IMMP2L: variants seen among roughly 807,000 people sequenced by gnomAD.
The protein encoded by IMMP2L is inner mitochondrial membrane peptidase subunit 2, also known as mitochondrial inner membrane protease subunit 2.
A neutral mutation model predicts 19.3 loss-of-function variants in IMMP2L; 18 were observed. The observed-to-expected ratio is 0.93, with a 90% CI of 0.64 to 1.38. IMMP2L has a LOEUF of 1.38. IMMP2L is among the 40% of genes most tolerant of loss of function. IMMP2L has a pLI of 0.00. For synonymous variants in IMMP2L, 76 were observed against 73.0 expected, an observed-to-expected ratio of 1.04 and a Z score of -0.21; for missense variants, 233 against 218.2, an observed-to-expected ratio of 1.07 and a Z score of -0.43.
intron 3 of IMMP2L, chr7:111,099,925 C>T (rs977515279): frequency 6.6e-6 from 1 of 151,458 alleles, no homozygotes; most frequent in African/African-American, 2.4e-5. Flanking sequence ...AGATGTTGGG[C>T]AACATTTATT....
Position 110,844,218 on chromosome 7 carries a change from A to G in IMMP2L, c.408+42375T>C, listed in dbSNP as rs1805407770. On this transcript the variant is annotated intron_variant, in intron 5 of 5. Transcript: ENST00000405709. ...CACTGAGGAGAAGAGAAATGCAAAG[A>G]TCAATAAGCTCAGAGTTTTCTTTCA... Among the ~76,000 whole-genome samples, 3 of 152,332 alleles carry G rather than the reference A, an allele frequency of 2.0e-5. No homozygotes were observed. The South Asian group carries it at 6.2e-4, about 32-fold the overall frequency.
At chr7:111,373,758 A>C (rs1167050342) in intron 3 of IMMP2L, among the ~76,000 whole-genome samples, 1 of 151,904 alleles carries the variant, frequency 6.6e-6, no homozygotes, top group African/African-American at 2.4e-5. Context: ...TACCAAATTT[A>C]TTTCTCCTGT....
chr7:111,039,983 C>G (rs747741011), intron 3 of IMMP2L, among the ~76,000 whole-genome samples: 1 of 152,094 alleles, frequency 6.6e-6, no homozygotes, highest in South Asian at 2.1e-4. Flanking sequence ...CTGGCCAACA[C>G]AGTGAAACCC....
chr7:111,545,302 T>C (rs1167074414), intron 1 of IMMP2L, among the ~76,000 whole-genome samples: 1 of 152,194 alleles, frequency 6.6e-6, no homozygotes, highest in Admixed American at 6.5e-5. Context: ...CATCTTTTCA[T>C]GCCCTTATTG....
chr7:111,149,366 A>G (rs939797907), intron 3 of IMMP2L, among the ~76,000 whole-genome samples: 1 of 152,162 alleles, frequency 6.6e-6, no homozygotes, highest in South Asian at 2.1e-4. Flanking sequence ...AGAAAAAAGT[A>G]ATATGGTTGG....
At chr7:111,004,384 GA>G (rs1468587167) in intron 3 of IMMP2L, among the ~76,000 whole-genome samples, 6 of 151,990 alleles carry the variant, frequency 3.9e-5, no homozygotes, top group African/African-American at 1.5e-4. Flanking sequence ...AGGCTGGTCT[GA>G]AACTCCTGGA....
At chr7:110,755,407 T>A (rs1797980151) in intron 5 of IMMP2L, among the ~76,000 whole-genome samples, 1 of 152,152 alleles carries the variant, frequency 6.6e-6, no homozygotes, top group African/African-American at 2.4e-5. Flanking sequence ...TAAAATACTT[T>A]TTAAAACTTA....
At chr7:111,305,397 C>G (rs1485283640) in intron 3 of IMMP2L, among the ~76,000 whole-genome samples, 2 of 152,138 alleles carry the variant, frequency 1.3e-5, no homozygotes, top group Non-Finnish European at 2.9e-5. Flanking sequence ...GGCGCGATCT[C>G]AGCTCACTGC....
intron 3 of IMMP2L, among the ~76,000 whole-genome samples, chr7:111,012,889 T>C (rs1825115614): frequency 6.6e-6 from 1 of 152,214 alleles, no homozygotes; most frequent in Non-Finnish European, 1.5e-5. Context: ...ACATCCTAAA[T>C]TATTGTAAGA....
intron 4 of IMMP2L, among the ~76,000 whole-genome samples, chr7:110,940,375 C>T (rs1360049123): frequency 6.7e-6 from 1 of 149,996 alleles, no homozygotes; most frequent in Non-Finnish European, 1.5e-5. Flanking sequence ...CAAATAAAAA[C>T]AATTCCAAAT....
chr7:110,790,249 G>A (rs148706986), intron 5 of IMMP2L, among the ~76,000 whole-genome samples: 2 of 151,666 alleles, frequency 1.3e-5, no homozygotes, highest in African/African-American at 2.4e-5. Context: ...GAATGAAAAT[G>A]GGGGAGAGTG....
rs1842109699 is a variant in IMMP2L, at chr7:111,480,691, T to C, written c.239+6547A>G. On this transcript the variant is annotated intron_variant, in intron 3 of 5. Transcript: ENST00000405709. Reference sequence around the variant, plus strand: ...AAAGTCATGGTCTTTCTACATTTGGTTCCTAAATGTACTACATTAACTACA... The same window carrying C: ...AAAGTCATGGTCTTTCTACATTTGGCTCCTAAATGTACTACATTAACTACA... Among the ~76,000 whole-genome samples the C allele has an allele frequency of 4.0e-5, 6 of 151,632 alleles. No homozygotes were observed. The South Asian group carries it at 1.2e-3, about 32-fold the overall frequency.
At chr7:110,677,466 T>C (rs139664027) in intron 5 of IMMP2L, among the ~76,000 whole-genome samples, 3 of 152,296 alleles carry the variant, frequency 2.0e-5, no homozygotes, top group African/African-American at 7.2e-5. Context: ...TATTAGCCTA[T>C]TATCTACTTA....
chr7:111,555,691 CCTAGGTTTA>C (rs1791209406), intron 1 of IMMP2L, among the ~76,000 whole-genome samples: 1 of 151,872 alleles, frequency 6.6e-6, no homozygotes, highest in South Asian at 2.1e-4. Context: ...CATAATGTCC[CCTAGGTTTA>C]CCTATCTTAT....
chr7:111,004,202 A>G (rs1209158360), intron 3 of IMMP2L, among the ~76,000 whole-genome samples: 2 of 152,052 alleles, frequency 1.3e-5, no homozygotes, highest in Non-Finnish European at 2.9e-5. Flanking sequence ...TAGGGTTGCC[A>G]TGAGAATTAT....
chr7:110,733,602 A>T (rs1796421075), intron 5 of IMMP2L, among the ~76,000 whole-genome samples: 1 of 152,190 alleles, frequency 6.6e-6, no homozygotes. Flanking sequence ...ATATAAACTT[A>T]AAAATGTGAA....
chr7:111,069,602 G>C (rs1794781347), intron 3 of IMMP2L, among the ~76,000 whole-genome samples: 1 of 152,026 alleles, frequency 6.6e-6, no homozygotes. Flanking sequence ...GTAGCATTTG[G>C]ATTCCAAACA....
intron 3 of IMMP2L, among the ~76,000 whole-genome samples, chr7:111,187,939 T>C (rs1777060120): frequency 6.6e-6 from 1 of 152,040 alleles, no homozygotes; most frequent in African/African-American, 2.4e-5. Context: ...ATGCTATTGC[T>C]TCCAAAAGGG....
chr7:111,030,155 T>A (rs537326524), intron 3 of IMMP2L, among the ~76,000 whole-genome samples: 20 of 152,274 alleles, frequency 1.3e-4, no homozygotes, highest in African/African-American at 4.6e-4. Flanking sequence ...GACAAAGATG[T>A]GCAGAGTTCA....
Sources: gnomAD v4.1 joint callset for allele counts (sites outside exome capture counted in the v4.1 genomes callset) on GRCh38, gnomAD v4.1.1 for gene constraint, MANE v1.5 for transcripts, NCBI Gene and HGNC (gene_info 2026-07-23, HGNC 2026-07-21) for gene names.